COLEC11: variants seen among roughly 807,000 people sequenced by gnomAD.
COLEC11 encodes the protein collectin-11.
Under a neutral mutation model 27.3 loss-of-function variants are expected in COLEC11, and 20 were observed. The ratio of observed to expected loss-of-function variants is 0.73; its 90% CI spans 0.51 to 1.06. COLEC11 has a LOEUF of 1.06. COLEC11 is among the 50% of genes least tolerant of loss of function. The probability of loss-of-function intolerance (pLI) is 0.00; values close to 1 mark genes in which losing one functional copy is unlikely to be tolerated. For synonymous variants in COLEC11, 163 were observed against 154.7 expected (o/e 1.05, Z -0.40); for missense variants, 310 against 383.0 (o/e 0.81, Z 1.59).
At chr2:3,633,121 C>T (rs1452651299) in intron 3 of COLEC11, among the ~76,000 whole-genome samples, 1 of 152,198 alleles carries the variant, frequency 6.6e-6, no homozygotes, top group East Asian at 1.9e-4. Context: ...ACAGGCCCCA[C>T]TTTCCCGTCT....
intron 4 of COLEC11, among the ~76,000 whole-genome samples, chr2:3,639,565 T>C (rs1665694997): frequency 6.6e-6 from 1 of 152,240 alleles, no homozygotes; most frequent in Admixed American, 6.5e-5. Flanking sequence ...ATTTGGGGCC[T>C]CTCTGTGAGA....
intron 5 of COLEC11, among the ~76,000 whole-genome samples, chr2:3,642,457 C>T (rs965461665): frequency 6.6e-6 from 1 of 152,166 alleles, no homozygotes; most frequent in Non-Finnish European, 1.5e-5. Context: ...TCCCTCTCAT[C>T]AGGCCACTTG....
chr2:3,631,131 T>C (rs1414210697), intron 3 of COLEC11, among the ~76,000 whole-genome samples: 1 of 151,818 alleles, frequency 6.6e-6, no homozygotes, highest in Non-Finnish European at 1.5e-5. Flanking sequence ...CTCAGGAGAC[T>C]GAGGCAGGAG....
intron 1 of COLEC11, among the ~76,000 whole-genome samples, chr2:3,597,181 G>C (rs1661895000): frequency 6.6e-6 from 1 of 152,074 alleles, no homozygotes; most frequent in Non-Finnish European, 1.5e-5. Context: ...AATGAATGGA[G>C]TGAAGGCACA....
chr2:3,626,127 G>T, intron 3 of COLEC11: 1 of 1,562,920 alleles, frequency 6.4e-7, no homozygotes, highest in Middle Eastern at 1.7e-4. Flanking sequence ...TCACACTTAA[G>T]TTGGACCCTG....
chr2:3,607,467 G>C (rs551791982), intron 2 of COLEC11, among the ~76,000 whole-genome samples: 2 of 30,970 alleles, frequency 6.5e-5, no homozygotes, highest in East Asian at 3.4e-3. Flanking sequence ...TTTTTTTTGA[G>C]ATGGAGTTTC....
At chr2:3,603,498 G>C in intron 1 of COLEC11, 1 of 692,552 alleles carries the variant, frequency 1.4e-6, no homozygotes, top group East Asian at 2.9e-5. Flanking sequence ...TGTATTTTTA[G>C]AAGACATGCG....
chr2:3,640,340 T>TAAAG lies in COLEC11; in HGVS notation c.328+10_328+13dup. 1 of 1,510,346 alleles carries TAAAG rather than the reference T, an allele frequency of 6.6e-7. No individual in the cohort carries two copies. Among genetic ancestry groups the TAAAG allele is most frequent in the Non-Finnish European group, 9.2e-7 (1 of 1,085,588 alleles). 93.6% of individuals were successfully genotyped at this position (1,510,346 alleles called of 1,614,324 possible). A position where few individuals can be genotyped will look rare whatever the true frequency, so the allele number is the denominator to read the frequency against. ...TCCTAATGGAGAACCAGGTATGGCA[T>TAAAG]AAAGGGTCCAAGGATTTTTAATAAA... On this transcript the variant is annotated intron_variant, in intron 5 of 6. Transcript: ENST00000349077.
chr2:3,624,635 A>T (rs1376700911), intron 3 of COLEC11, among the ~76,000 whole-genome samples: 2 of 152,200 alleles, frequency 1.3e-5, no homozygotes, highest in Non-Finnish European at 2.9e-5. Flanking sequence ...CTCAGCTTAC[A>T]GTTGTGGGAA....
At chr2:3,643,096 A>G (rs1383150142) in intron 5 of COLEC11, among the ~76,000 whole-genome samples, 6 of 152,058 alleles carry the variant, frequency 3.9e-5, no homozygotes, top group Non-Finnish European at 2.9e-5. Flanking sequence ...CATCCCCACC[A>G]TCTTCCTCAG....
intron 2 of COLEC11, among the ~76,000 whole-genome samples, chr2:3,612,363 G>A (rs1161489329): frequency 1.3e-5 from 2 of 152,104 alleles, no homozygotes; most frequent in Non-Finnish European, 2.9e-5. Context: ...CTACAGAGCC[G>A]AGTCCCAGCC....
At chr2:3,606,178 C>T in intron 2 of COLEC11, 1 of 1,550,408 alleles carries the variant, frequency 6.4e-7, no homozygotes, top group Non-Finnish European at 8.7e-7. Flanking sequence ...CTGTGGAGGT[C>T]ACGTCCCTGC....
intron 3 of COLEC11, among the ~76,000 whole-genome samples, chr2:3,636,347 C>G (rs569916449): frequency 2.0e-4 from 30 of 152,106 alleles, no homozygotes; most frequent in Admixed American, 3.9e-4. Flanking sequence ...CCCAGCTACT[C>G]GGGAGGCTGA....
chr2:3,644,483 C>T lies in COLEC11; in HGVS notation c.*365C>T. 1 of 489,250 alleles carries T rather than the reference C, an allele frequency of 2.0e-6. No homozygotes were observed. Among genetic ancestry groups the T allele is most frequent in the Non-Finnish European group, 4.0e-6 (1 of 251,126 alleles). 30.3% of individuals were successfully genotyped at this position (489,250 alleles called of 1,614,324 possible). ...ATAGTGGCAATGGGGTCTTGAATTACTACCTTTTAATTTCTATATGGAAAA... is the reference window on the plus strand; with the variant it reads ...ATAGTGGCAATGGGGTCTTGAATTATTACCTTTTAATTTCTATATGGAAAA... On this transcript the variant is annotated 3_prime_UTR_variant, in exon 7 of 7. Coordinates refer to ENST00000349077, the MANE Select transcript of COLEC11 (RefSeq NM_024027.5).
intron 3 of COLEC11, among the ~76,000 whole-genome samples, chr2:3,628,171 A>G (rs540455175): frequency 1.0e-3 from 158 of 152,354 alleles, no homozygotes; most frequent in African/African-American, 3.6e-3. Flanking sequence ...CATATCTTCA[A>G]ATACCTCTGC....
intron 3 of COLEC11, among the ~76,000 whole-genome samples, chr2:3,632,615 T>G (rs182514706): frequency 9.6e-4 from 146 of 152,336 alleles, no homozygotes; most frequent in African/African-American, 3.3e-3. Flanking sequence ...GGACTCACAC[T>G]GGGGTTAGGG....
intron 2 of COLEC11, 32 bp from the exon 3 acceptor site, chr2:3,613,273 CCAGACG>C (rs764227517): frequency 1.0e-5 from 16 of 1,582,168 alleles, no homozygotes; most frequent in Non-Finnish European, 1.3e-5. Context: ...GCTGTGCTGG[CCAGACG>C]AGCTGCTAAA....
intron 3 of COLEC11, among the ~76,000 whole-genome samples, chr2:3,625,260 G>A (rs1664460617): frequency 6.6e-6 from 1 of 152,182 alleles, no homozygotes; most frequent in Non-Finnish European, 1.5e-5. Context: ...ATGTTCAGGT[G>A]TAGGTCAGGC....
chr2:3,643,646 G>A (rs1558523274), intron 6 of COLEC11, 81 bp from the exon 7 acceptor site: 17 of 1,606,370 alleles, frequency 1.1e-5, no homozygotes, highest in East Asian at 6.7e-5. Flanking sequence ...CTGCCCTGCC[G>A]GCCCCTGCTG....
Sources: gnomAD v4.1 joint callset for allele counts (sites outside exome capture counted in the v4.1 genomes callset) on GRCh38, gnomAD v4.1.1 for gene constraint, MANE v1.5 for transcripts, NCBI Gene and HGNC (gene_info 2026-07-23, HGNC 2026-07-21) for gene names.